NLGN4X: variants seen among roughly 807,000 people sequenced by gnomAD.
NLGN4X encodes the protein neuroligin-4, X-linked.
A neutral mutation model predicts 40.3 loss-of-function variants in NLGN4X; 3 were observed. The observed-to-expected ratio is 0.07, with a 90% CI of 0.03 to 0.19. The LOEUF (loss-of-function observed/expected upper bound fraction) is 0.19, where lower values mean the gene tolerates loss of function less well. Ranked by LOEUF, NLGN4X falls within the 10% of genes least tolerant of loss-of-function variation. The pLI, the probability that NLGN4X is intolerant of heterozygous loss-of-function variation, is 1.00. For synonymous variants in NLGN4X, 270 were observed against 306.8 expected, an observed-to-expected ratio of 0.88 and a Z score of 1.25; for missense variants, 382 against 708.3, an observed-to-expected ratio of 0.54 and a Z score of 5.23.
At chrX:5,927,599 G>A (rs1232988761) in intron 3 of NLGN4X, among the ~76,000 whole-genome samples, 3 of 112,256 alleles carry the variant, frequency 2.7e-5, no homozygotes, top group Non-Finnish European at 3.8e-5. Context: ...TTCTTGCAGC[G>A]CTAAAACCAG....
At chrX:6,046,383 T>C (rs1198748283) in intron 2 of NLGN4X, among the ~76,000 whole-genome samples, 4 of 111,655 alleles carry the variant, frequency 3.6e-5, no homozygotes, top group Non-Finnish European at 5.7e-5. Flanking sequence ...GGAAGCTTTT[T>C]CCCATCATTA....
chrX:6,143,185 A>C (rs2039983170), intron 2 of NLGN4X, among the ~76,000 whole-genome samples: 1 of 112,184 alleles, frequency 8.9e-6, no homozygotes, highest in African/African-American at 3.2e-5. Flanking sequence ...TTAAAACCTT[A>C]AACCTCTCAG....
intron 1 of NLGN4X, among the ~76,000 whole-genome samples, chrX:6,169,410 C>T (rs767387722): frequency 7.1e-5 from 8 of 113,176 alleles, no homozygotes; most frequent in African/African-American, 2.6e-4. Flanking sequence ...ATAGAGAAAG[C>T]ATTCACTTCC....
At chrX:5,900,578 T>C in intron 5 of NLGN4X, among the ~76,000 whole-genome samples, 1 of 71,647 alleles carries the variant, frequency 1.4e-5, no homozygotes, top group Non-Finnish European at 2.9e-5. Context: ...TTTTTTTTTT[T>C]TTTTTTTTTT....
intron 1 of NLGN4X, among the ~76,000 whole-genome samples, chrX:6,161,936 A>G (rs756194197): frequency 8.9e-6 from 1 of 111,904 alleles, no homozygotes. Context: ...GAACTAACCA[A>G]GTGAAATATT....
At chrX:6,106,055 T>C (rs1168582822) in intron 2 of NLGN4X, among the ~76,000 whole-genome samples, 1 of 111,570 alleles carries the variant, frequency 9.0e-6, no homozygotes, top group Non-Finnish European at 1.9e-5. Context: ...ATCTGTTTTA[T>C]GCAGCACCCT....
At position 5,891,782 on chromosome X, in the gene NLGN4X, A is replaced by G; in HGVS notation, c.*1035T>C. 6.3e-6 allele frequency: 1 copy of G among 158,412 alleles called. No individual in the cohort carries two copies. The allele number at this position is 158,412 out of a possible 1,213,427, so 13.1% of individuals were successfully genotyped here. A position where few individuals can be genotyped will look rare whatever the true frequency, so the allele number is the denominator to read the frequency against. ...TTTGGGGACCCATCTCTGTACTGCA[A>G]TTTCATGAAGGCTAACACGTACAAG... is the stretch of plus-strand genomic sequence containing the variant. On this transcript the variant is annotated 3_prime_UTR_variant, in exon 6 of 6. Transcript: ENST00000381095.
At chrX:6,046,517 T>C (rs955749941) in intron 2 of NLGN4X, among the ~76,000 whole-genome samples, 1 of 111,534 alleles carries the variant, frequency 9.0e-6, no homozygotes, top group Non-Finnish European at 1.9e-5. Flanking sequence ...AAAATAAATA[T>C]GAATTAATAA....
intron 1 of NLGN4X, among the ~76,000 whole-genome samples, chrX:6,173,256 G>A (rs771906289): frequency 8.9e-5 from 10 of 112,180 alleles, no homozygotes; most frequent in Non-Finnish European, 1.7e-4. Flanking sequence ...AAAAAAATTT[G>A]TGTTGTTGGG....
At chrX:6,172,001 T>C (rs748768828) in intron 1 of NLGN4X, among the ~76,000 whole-genome samples, 1 of 111,420 alleles carries the variant, frequency 9.0e-6, no homozygotes, top group Non-Finnish European at 1.9e-5. Context: ...CCATGTAAGA[T>C]GTGCCTGCTT....
intron 4 of NLGN4X, among the ~76,000 whole-genome samples, chrX:5,907,766 G>C (rs902537071): frequency 2.7e-5 from 3 of 109,168 alleles, no homozygotes; most frequent in Middle Eastern, 4.3e-3. Flanking sequence ...AGGAGAGAGA[G>C]AGAGGAAGGG....
rs1367747245 is a variant in NLGN4X, at chrX:6,228,556, G to A, written c.-321C>T. The A allele has an allele frequency of 9.0e-6, 1 of 111,518 alleles. No individual in the cohort carries two copies. The highest frequency in any genetic ancestry group is 3.8e-4 in the South Asian group (1 of 2,610). 9.2% of individuals were successfully genotyped at this position (111,518 alleles called of 1,213,427 possible). ...CTGCACCTACCTTAGCTTTGGAAGA[G>A]CTGCATCGGCCGTTAAGAGTTCTTT... On this transcript the variant is annotated 5_prime_UTR_variant, in exon 1 of 6. Coordinates refer to ENST00000381095, the MANE Select transcript of NLGN4X (RefSeq NM_181332.3).
At chrX:5,978,280 CTTTCTTTCTTTCTTTCTTTCT>C (rs2035250587) in intron 3 of NLGN4X, among the ~76,000 whole-genome samples, 1 of 2,984 alleles carries the variant, frequency 3.4e-4, no homozygotes, top group African/African-American at 2.4e-3. Context: ...TTTTTTCTTT[CTTTCTTTCTTTCTTTCTTTCT>C]TTCTTTCTTT....
intron 3 of NLGN4X, among the ~76,000 whole-genome samples, chrX:5,933,249 A>G (rs891057605): frequency 1.4e-4 from 16 of 111,973 alleles, no homozygotes; most frequent in Non-Finnish European, 3.0e-4. Context: ...TGAAAAATAT[A>G]TGAAATGCAA....
intron 3 of NLGN4X, among the ~76,000 whole-genome samples, chrX:5,921,154 T>TAC (rs1488163162): frequency 1.4e-4 from 10 of 72,897 alleles, no homozygotes; most frequent in Non-Finnish European, 2.1e-4. Flanking sequence ...TATACATATA[T>TAC]ATATATATAT....
At chrX:6,067,107 C>CCA (rs2037940272) in intron 2 of NLGN4X, among the ~76,000 whole-genome samples, 1 of 106,980 alleles carries the variant, frequency 9.3e-6, no homozygotes, top group Admixed American at 1.0e-4. Context: ...AGATACAGTC[C>CCA]CCCCCCCAAA....
At chrX:6,140,635 T>C (rs1233102893) in intron 2 of NLGN4X, among the ~76,000 whole-genome samples, 1 of 111,184 alleles carries the variant, frequency 9.0e-6, no homozygotes, top group Non-Finnish European at 1.9e-5. Context: ...TGGAGTGCAC[T>C]GCTGTGATCT....
intron 3 of NLGN4X, among the ~76,000 whole-genome samples, chrX:5,966,198 T>G (rs1199780292): frequency 8.9e-6 from 1 of 112,363 alleles, no homozygotes; most frequent in East Asian, 2.8e-4. Context: ...ATATACTTTA[T>G]TTATGCTTCA....
intron 3 of NLGN4X, among the ~76,000 whole-genome samples, chrX:5,929,180 C>T (rs2033445811): frequency 9.0e-6 from 1 of 111,382 alleles, no homozygotes; most frequent in Non-Finnish European, 1.9e-5. Context: ...TATTATGTGC[C>T]GGCTTGGCGT....
Sources: gnomAD v4.1 joint callset for allele counts (sites outside exome capture counted in the v4.1 genomes callset) on GRCh38, gnomAD v4.1.1 for gene constraint, MANE v1.5 for transcripts, NCBI Gene and HGNC (gene_info 2026-07-23, HGNC 2026-07-21) for gene names.